Variants in C1orf105 observed in about 807,000 individuals in gnomAD.
C1orf105 encodes uncharacterized protein C1orf105.
In C1orf105, 17 loss-of-function variants were observed where a neutral mutation model predicts 20.8. The observed-to-expected ratio is 0.82, with a 90% CI of 0.56 to 1.23. The LOEUF is 1.23. C1orf105 is among the 50% of genes most tolerant of loss of function. C1orf105 has a pLI of 0.00. For synonymous variants in C1orf105, 72 were observed against 72.1 expected, an observed-to-expected ratio of 1.00 and a Z score of 0.01; for missense variants, 219 against 213.5, an observed-to-expected ratio of 1.03 and a Z score of -0.16.
At chr1:172,440,002 A>G (rs1029189390) in intron 1 of C1orf105, among the ~76,000 whole-genome samples, 2 of 152,190 alleles carry the variant, frequency 1.3e-5, no homozygotes, top group African/African-American at 4.8e-5. Flanking sequence ...AATTGACCTT[A>G]CAGAAAACCA....
intron 3 of C1orf105, chr1:172,453,106 C>T (rs1397887965): frequency 1.9e-6 from 3 of 1,550,962 alleles, no homozygotes; most frequent in Non-Finnish European, 1.7e-6. Context: ...CCTTCCACGA[C>T]TCTTCAATGC....
chr1:172,456,536 A>G, intron 4 of C1orf105, 47 bp downstream of exon 4: 1 of 1,561,176 alleles, frequency 6.4e-7, no homozygotes, highest in Non-Finnish European at 8.8e-7. Context: ...CTCAGGGTGC[A>G]GCACTGCCCT....
chr1:172,443,957 A>T, intron 1 of C1orf105: 1 of 999,774 alleles, frequency 1.0e-6, no homozygotes, highest in African/African-American at 1.7e-5. Flanking sequence ...GGAGCCCCGG[A>T]AACACTGACC....
At chr1:172,427,484 C>G (rs568630651) in intron 1 of C1orf105, among the ~76,000 whole-genome samples, 1 of 152,286 alleles carries the variant, frequency 6.6e-6, no homozygotes, top group East Asian at 1.9e-4. Flanking sequence ...CCTGGCTCCC[C>G]TTTGAAGCAA....
chr1:172,421,587 G>A (rs2071590943), intron 1 of C1orf105, among the ~76,000 whole-genome samples: 1 of 152,172 alleles, frequency 6.6e-6, no homozygotes, highest in African/African-American at 2.4e-5. Context: ...AGGACGCAGA[G>A]CAAGATGGCC....
At chr1:172,421,052 A>G in intron 1 of C1orf105, 146 bp downstream of exon 1, 1 of 712,088 alleles carries the variant, frequency 1.4e-6, no homozygotes, top group Non-Finnish European at 2.4e-6. Context: ...GTAAGGAAAT[A>G]ACAGCTGATG....
intron 1 of C1orf105, among the ~76,000 whole-genome samples, chr1:172,424,705 T>C (rs1322136203): frequency 1.3e-5 from 2 of 152,180 alleles, no homozygotes; most frequent in African/African-American, 4.8e-5. Flanking sequence ...TGTTCTTATC[T>C]CTGAGGGTAC....
Position 172,434,625 on chromosome 1 carries a change from G to C in C1orf105, c.22-10448G>C, listed in dbSNP as rs574934499. 1.0e-4 allele frequency among the ~76,000 whole-genome samples: 15 copies of C among 148,140 alleles called. No individual in the cohort carries two copies. The East Asian group carries it at 2.8e-3, about 28-fold the overall frequency. ...AGCAGTGTGTAGAGGGAAATTTATA[G>C]CACTAAATGCCCACAAGAAAAGCAG... On this transcript the variant is annotated intron_variant, in intron 1 of 6. Coordinates refer to ENST00000367727, the MANE Select transcript of C1orf105 (RefSeq NM_139240.4).
intron 1 of C1orf105, chr1:172,442,789 T>C: frequency 1.6e-6 from 1 of 615,996 alleles, no homozygotes; most frequent in South Asian, 2.2e-5. Context: ...AGGCCTACAA[T>C]AGATGAATTT....
intron 1 of C1orf105, chr1:172,430,986 T>C (rs2071857650): frequency 4.1e-6 from 2 of 492,322 alleles, no homozygotes; most frequent in African/African-American, 3.9e-5. Context: ...GCAAACTTAG[T>C]GGATATGTGT....
At chr1:172,432,004 A>T (rs908654097) in intron 1 of C1orf105, among the ~76,000 whole-genome samples, 1 of 152,218 alleles carries the variant, frequency 6.6e-6, no homozygotes, top group African/African-American at 2.4e-5. Context: ...AGCAGTCTGA[A>T]ATCAAACTGT....
At chr1:172,422,251 G>A (rs1036531859) in intron 1 of C1orf105, among the ~76,000 whole-genome samples, 17 of 152,184 alleles carry the variant, frequency 1.1e-4, no homozygotes, top group African/African-American at 4.1e-4. Context: ...AGAGAAGAGG[G>A]AAGAGTGAAA....
At chr1:172,461,691 G>A (rs563012962) in intron 4 of C1orf105, among the ~76,000 whole-genome samples, 7 of 152,228 alleles carry the variant, frequency 4.6e-5, no homozygotes, top group African/African-American at 1.4e-4. Flanking sequence ...AACAGACATC[G>A]TGTTAGCAGC....
intron 1 of C1orf105, chr1:172,443,256 TTCACATA>T (rs1452106424): frequency 6.0e-6 from 1 of 167,274 alleles, no homozygotes; most frequent in East Asian, 1.9e-4. Flanking sequence ...AACTCAGTGG[TTCACATA>T]TCCCTTAGGT....
chr1:172,467,940 A>G (rs1205969448), intron 6 of C1orf105, among the ~76,000 whole-genome samples: 2 of 152,222 alleles, frequency 1.3e-5, no homozygotes, highest in Non-Finnish European at 2.9e-5. Context: ...TTCACAAAAT[A>G]CAGATTTCTT....
At chr1:172,431,935 T>C (rs763558268) in intron 1 of C1orf105, among the ~76,000 whole-genome samples, 2 of 152,188 alleles carry the variant, frequency 1.3e-5, no homozygotes, top group Non-Finnish European at 2.9e-5. Flanking sequence ...ACAAGGAGAT[T>C]CTCTCTCGTG....
chr1:172,459,150 AG>A (rs1306938533), intron 4 of C1orf105, among the ~76,000 whole-genome samples: 1 of 152,188 alleles, frequency 6.6e-6, no homozygotes, highest in Non-Finnish European at 1.5e-5. Context: ...TTTCTAAGAT[AG>A]GACACCCAAA....
intron 1 of C1orf105, among the ~76,000 whole-genome samples, chr1:172,434,205 T>C (rs1380566647): frequency 6.6e-6 from 1 of 152,008 alleles, no homozygotes; most frequent in East Asian, 1.9e-4. Context: ...CGAGACAAAA[T>C]GTTAACAAGG....
rs564396367 is a variant in C1orf105 at position 172,465,347 on chromosome 1, T to A, written c.390T>A (p.His130Gln). 1.2e-6 allele frequency: 2 copies of A among 1,611,530 alleles called. No individual in the cohort carries two copies. The highest frequency in any genetic ancestry group is 1.7e-6 in the Non-Finnish European group (2 of 1,177,722). Residue 130 changes from histidine (H) to glutamine (Q), a missense_variant, in exon 6 of 7, where the codon CAT becomes CAA. Physicochemically the swap from His to Gln is conservative, Grantham distance 24. Transcript: ENST00000367727. ...PKFQTTPEPF[H>Q]DDIPTESIHY... is the part of the protein sequence containing the mutation. The stretch of plus-strand genomic sequence containing the variant: ...TCCAGACTACACCTGAGCCTTTCCA[T>A]GATGACATCCCAACAGGTTTGCTTT...
Sources: allele counts gnomAD v4.1 joint callset (sites outside exome capture counted in the v4.1 genomes callset), GRCh38; gene constraint gnomAD v4.1.1; transcripts MANE v1.5; gene names NCBI Gene and HGNC (gene_info 2026-07-23, HGNC 2026-07-21).